The following LRP1B variants were observed in gnomAD, a reference collection of about 807,000 sequenced individuals.
LRP1B encodes LDL receptor related protein 1B, also known as low-density lipoprotein receptor-related protein 1B.
LRP1B carries 217 observed loss-of-function variants against 556.6 expected under a neutral mutation model. The observed-to-expected ratio is 0.39, with a 90% confidence interval of 0.35 to 0.44. LRP1B has a LOEUF of 0.44. Ranked by LOEUF, LRP1B falls within the 20% of genes least tolerant of loss-of-function variation. The probability of loss-of-function intolerance (pLI) is 1.00; values close to 1 mark genes in which losing one functional copy is unlikely to be tolerated. For missense variants in LRP1B, 5,053 were observed against 5,620.8 expected (o/e 0.90, Z 3.23); for synonymous variants, 2,047 against 1,865.8 (o/e 1.10, Z -2.50).
At chr2:141,322,973 A>G (rs1335806167) in intron 3 of LRP1B, among the ~76,000 whole-genome samples, 3 of 152,146 alleles carry the variant, frequency 2.0e-5, no homozygotes, top group African/African-American at 7.2e-5. Flanking sequence ...TTGTTTACTC[A>G]TTGCAAAATG....
At chr2:141,045,617 T>G (rs1486327674) in intron 11 of LRP1B, among the ~76,000 whole-genome samples, 4 of 152,038 alleles carry the variant, frequency 2.6e-5, no homozygotes, top group Non-Finnish European at 5.9e-5. Flanking sequence ...TTTATAGCAG[T>G]TATCATTATC....
intron 46 of LRP1B, among the ~76,000 whole-genome samples, chr2:140,535,464 G>T (rs1056075174): frequency 2.6e-5 from 4 of 152,098 alleles, no homozygotes; most frequent in Admixed American, 2.0e-4. Flanking sequence ...GTCTTGTAAC[G>T]TAAAAGAGTG....
intron 7 of LRP1B, among the ~76,000 whole-genome samples, chr2:141,108,339 T>A (rs1211007584): frequency 1.8e-5 from 2 of 109,848 alleles, no homozygotes; most frequent in African/African-American, 3.7e-5. Context: ...TGTTTCTTTT[T>A]TTTTTTTTTT....
intron 1 of LRP1B, among the ~76,000 whole-genome samples, chr2:141,990,514 T>C (rs555255181): frequency 2.6e-5 from 4 of 152,096 alleles, no homozygotes; most frequent in African/African-American, 9.6e-5. Context: ...AATTGACAAG[T>C]TTTTTTACAA....
chr2:140,651,981 A>G (rs1002657646), intron 41 of LRP1B, among the ~76,000 whole-genome samples: 3 of 152,226 alleles, frequency 2.0e-5, no homozygotes, highest in Non-Finnish European at 4.4e-5. Flanking sequence ...AATATGGGTA[A>G]GCACAAGAGA....
chr2:141,838,809 A>C (rs568747366), intron 1 of LRP1B, among the ~76,000 whole-genome samples: 2 of 152,312 alleles, frequency 1.3e-5, no homozygotes, highest in East Asian at 3.9e-4. Context: ...AATGAAGTGA[A>C]TGGGAAAATT....
chr2:140,954,049 G>A (rs1196268999), intron 18 of LRP1B, among the ~76,000 whole-genome samples: 1 of 152,106 alleles, frequency 6.6e-6, no homozygotes, highest in Non-Finnish European at 1.5e-5. Context: ...GTACTTTCTT[G>A]TGTTTATCAG....
At chr2:141,550,631 CT>C (rs1685716626) in intron 2 of LRP1B, among the ~76,000 whole-genome samples, 1 of 152,136 alleles carries the variant, frequency 6.6e-6, no homozygotes, top group Non-Finnish European at 1.5e-5. Flanking sequence ...ACCTCTTCAT[CT>C]CCCTAATTTT....
At chr2:140,684,114 G>C (rs1443406704) in intron 41 of LRP1B, among the ~76,000 whole-genome samples, 1 of 151,576 alleles carries the variant, frequency 6.6e-6, no homozygotes, top group African/African-American at 2.4e-5. Context: ...AAAAATGACG[G>C]AATCTATAAA....
intron 41 of LRP1B, among the ~76,000 whole-genome samples, chr2:140,611,656 C>A (rs2105226323): frequency 6.6e-6 from 1 of 152,034 alleles, no homozygotes; most frequent in South Asian, 2.1e-4. Context: ...AGTAAATAAG[C>A]AGTGTGCTTT....
intron 1 of LRP1B, among the ~76,000 whole-genome samples, chr2:142,069,632 C>T (rs764113547): frequency 3.6e-4 from 54 of 151,674 alleles, no homozygotes; most frequent in Non-Finnish European, 5.5e-4. Flanking sequence ...ATATATGTCT[C>T]CATTAAATAC....
chr2:140,813,862 C>A (rs1691013604), intron 31 of LRP1B, 56 bp from the exon 32 acceptor site: 1 of 1,249,348 alleles, frequency 8.0e-7, no homozygotes, highest in Admixed American at 2.2e-5. Flanking sequence ...TTGTAATATC[C>A]ACCTAGCACC....
intron 21 of LRP1B, among the ~76,000 whole-genome samples, chr2:140,917,127 T>C (rs1385381080): frequency 4.6e-5 from 7 of 152,100 alleles, no homozygotes; most frequent in African/African-American, 1.7e-4. Context: ...AAAATGCAAA[T>C]TAAAACAATA....
intron 3 of LRP1B, among the ~76,000 whole-genome samples, chr2:141,323,405 T>C (rs192647387): frequency 3.3e-5 from 5 of 152,264 alleles, no homozygotes; most frequent in African/African-American, 1.2e-4. Context: ...TACTTTCAAA[T>C]GGCTTAAGCA....
At chr2:140,867,529 T>G in intron 27 of LRP1B, 61 bp downstream of exon 27, 1 of 1,484,582 alleles carries the variant, frequency 6.7e-7, no homozygotes, top group South Asian at 1.4e-5. Flanking sequence ...ACTTCAAATA[T>G]TATATGATTA....
chr2:141,468,919 T>C (rs939419761), intron 3 of LRP1B, among the ~76,000 whole-genome samples: 1 of 152,186 alleles, frequency 6.6e-6, no homozygotes, highest in Non-Finnish European at 1.5e-5. Flanking sequence ...AGAAGCTCGT[T>C]AAGCAGAGCA....
chr2:140,850,635 G>A (rs1316429259), intron 28 of LRP1B, among the ~76,000 whole-genome samples: 3 of 151,890 alleles, frequency 2.0e-5, no homozygotes, highest in Non-Finnish European at 4.4e-5. Flanking sequence ...TACGAGTGTC[G>A]GATACCATAT....
At chr2:140,641,409 C>T (rs1574179872) in intron 41 of LRP1B, among the ~76,000 whole-genome samples, 2 of 152,156 alleles carry the variant, frequency 1.3e-5, no homozygotes, top group South Asian at 4.1e-4. Context: ...GAATATAACT[C>T]TTTTAGCATC....
At chr2:140,563,740 C>G (rs1376601402) in intron 43 of LRP1B, among the ~76,000 whole-genome samples, 1 of 152,132 alleles carries the variant, frequency 6.6e-6, no homozygotes, top group Non-Finnish European at 1.5e-5. Flanking sequence ...ACATTCAAAA[C>G]AAAATATTCA....
Sources: gnomAD v4.1 joint callset for allele counts (sites outside exome capture counted in the v4.1 genomes callset) on GRCh38, gnomAD v4.1.1 for gene constraint, MANE v1.5 for transcripts, NCBI Gene and HGNC (gene_info 2026-07-23, HGNC 2026-07-21) for gene names.